ABCA13: variants seen among roughly 807,000 people sequenced by gnomAD.
ABCA13 encodes ATP binding cassette subfamily A member 13, also known as ATP-binding cassette sub-family A member 13.
In ABCA13, 476 loss-of-function variants were observed where a neutral mutation model predicts 478.7. The observed-to-expected ratio is 0.99, with a 90% CI of 0.92 to 1.07. The LOEUF (loss-of-function observed/expected upper bound fraction) is 1.07. Ranked by LOEUF, ABCA13 falls within the 50% of genes least tolerant of loss-of-function variation. ABCA13 has a pLI of 0.00. For missense variants in ABCA13, 6,060 were observed against 5,910.6 expected (o/e 1.03, Z -0.83); for synonymous variants, 2,252 against 2,158.9 (o/e 1.04, Z -1.20).
intron 59 of ABCA13, 137 bp downstream of exon 59, chr7:48,615,514 G>A: frequency 1.5e-6 from 1 of 686,026 alleles, no homozygotes; most frequent in Non-Finnish European, 2.4e-6. Context: ...AAGGCTCTGA[G>A]GGGATAAAAT....
At position 48,271,772 on chromosome 7, in the gene ABCA13, C is replaced by T; in HGVS notation, c.2121-15C>T. 2 of 1,308,246 alleles carry T rather than the reference C, an allele frequency of 1.5e-6. No homozygotes were observed. 81.0% of individuals were successfully genotyped at this position (1,308,246 alleles called of 1,614,324 possible). ...TTTTTTATTTTATACTAAAATAATTCTATTAATATTACAGGGCTTTAAATT... is the reference window on the plus strand; with the variant it reads ...TTTTTTATTTTATACTAAAATAATTTTATTAATATTACAGGGCTTTAAATT... On this transcript the variant is annotated splice_polypyrimidine_tract_variant and intron_variant, in intron 16 of 61. Coordinates refer to ENST00000435803, the MANE Select transcript of ABCA13 (RefSeq NM_152701.5).
intron 55 of ABCA13, among the ~76,000 whole-genome samples, chr7:48,555,435 C>G (rs1488964756): frequency 6.6e-6 from 1 of 151,790 alleles, no homozygotes; most frequent in Non-Finnish European, 1.5e-5. Flanking sequence ...TGGTAGAATT[C>G]AGCAGTGAAA....
intron 49 of ABCA13, 119 bp downstream of exon 49, chr7:48,506,509 T>C: frequency 9.1e-7 from 1 of 1,100,240 alleles, no homozygotes; most frequent in South Asian, 1.4e-5. Context: ...CTTATAGAGT[T>C]AGCAGGAAAT....
chr7:48,248,346 C>A lies in ABCA13; in HGVS notation c.1767C>A (p.Ser589Arg). 1 of 1,613,840 alleles carries A rather than the reference C, an allele frequency of 6.2e-7. No individual in the cohort carries two copies. The highest frequency in any genetic ancestry group is 1.3e-5 in the African/African-American group (1 of 75,032). The change falls in exon 14 of 62, where the codon AGC becomes AGA. Residue 589 changes from serine (S) to arginine (R), a missense_variant. Coordinates refer to ENST00000435803, the MANE Select transcript of ABCA13 (RefSeq NM_152701.5). ...TTGAGATGCAGCTGTCAGAAGCAAG[C>A]CTTTCCTGTACTCGGCTCTTCCTGC... ...QELEMQLSEA[S>R]LSCTRLFLLL...
chr7:48,198,278 C>G lies in ABCA13; in HGVS notation c.205C>G (p.Pro69Ala). Residue 69 changes from proline to alanine, a missense_variant, in exon 3 of 62, where the codon CCC becomes GCC. Physicochemically the swap from Pro to Ala is conservative, Grantham distance 27. Coordinates refer to ENST00000435803, the MANE Select transcript of ABCA13 (RefSeq NM_152701.5). ...PRDLPSCGVI[P>A]FVQSLLCNTG... ...AGATCTACCCAGCTGTGGTGTTATC[C>G]CCTTTGTTCAAAGCCTTCTTTGTAA... is the stretch of plus-strand genomic sequence containing the variant. 1 of 1,613,326 alleles carries G rather than the reference C, an allele frequency of 6.2e-7. No individual in the cohort carries two copies. The highest frequency in any genetic ancestry group is 8.5e-7 in the Non-Finnish European group (1 of 1,179,708).
chr7:48,610,876 C>A (rs1337734411), intron 58 of ABCA13, among the ~76,000 whole-genome samples: 1 of 152,166 alleles, frequency 6.6e-6, no homozygotes. Flanking sequence ...GGCAGTGGGG[C>A]CCTGGGCCTA....
At chr7:48,216,001 A>G (rs1386831926) in intron 3 of ABCA13, among the ~76,000 whole-genome samples, 1 of 152,178 alleles carries the variant, frequency 6.6e-6, no homozygotes, top group Non-Finnish European at 1.5e-5. Context: ...CAGTTTCTTT[A>G]TCTTTTCCTC....
chr7:48,189,454 T>C (rs1250955121), intron 1 of ABCA13, among the ~76,000 whole-genome samples: 1 of 152,216 alleles, frequency 6.6e-6, no homozygotes, highest in African/African-American at 2.4e-5. Context: ...CAATGAAAGA[T>C]ATTTTTTCAC....
chr7:48,467,219 T>G (rs1826980910), intron 44 of ABCA13, among the ~76,000 whole-genome samples, 174 bp downstream of exon 44: 1 of 152,220 alleles, frequency 6.6e-6, no homozygotes, highest in African/African-American at 2.4e-5. Context: ...GGTATCACCA[T>G]ATAAAATGAT....
intron 55 of ABCA13, among the ~76,000 whole-genome samples, chr7:48,531,936 A>G (rs1833266220): frequency 6.6e-6 from 1 of 151,988 alleles, no homozygotes; most frequent in Non-Finnish European, 1.5e-5. Context: ...CAATCATATC[A>G]TCAGCAAACA....
intron 46 of ABCA13, among the ~76,000 whole-genome samples, chr7:48,482,385 A>AT (rs5884048): frequency 7.6e-4 from 112 of 148,320 alleles, no homozygotes; most frequent in Middle Eastern, 3.6e-3. Context: ...CTATTAAGAA[A>AT]TTTTTTTTTT....
chr7:48,529,849 A>C (rs1456718853), intron 55 of ABCA13, among the ~76,000 whole-genome samples: 1 of 152,178 alleles, frequency 6.6e-6, no homozygotes, highest in Non-Finnish European at 1.5e-5. Flanking sequence ...TTAGAAGAGA[A>C]TGCTCTTATC....
At chr7:48,366,915 AC>A (rs1811763022) in intron 31 of ABCA13, among the ~76,000 whole-genome samples, 1 of 152,170 alleles carries the variant, frequency 6.6e-6, no homozygotes, top group Admixed American at 6.5e-5. Flanking sequence ...CCTTGCCGAC[AC>A]ACTGGAATGA....
chr7:48,607,532 C>T (rs1791596338), intron 58 of ABCA13, among the ~76,000 whole-genome samples: 1 of 152,132 alleles, frequency 6.6e-6, no homozygotes, highest in South Asian at 2.1e-4. Flanking sequence ...ACTTGGTTTT[C>T]GTTAGTTCTT....
intron 15 of ABCA13, among the ~76,000 whole-genome samples, chr7:48,259,158 T>C (rs1379138545): frequency 6.6e-6 from 1 of 152,170 alleles, no homozygotes; most frequent in Non-Finnish European, 1.5e-5. Context: ...GTCCCAAATA[T>C]TTTTGTTAGT....
chr7:48,476,937 G>C (rs983063307), intron 45 of ABCA13, among the ~76,000 whole-genome samples: 1 of 152,148 alleles, frequency 6.6e-6, no homozygotes, highest in Non-Finnish European at 1.5e-5. Context: ...AAAGGGAAAG[G>C]ATAAAACATT....
At chr7:48,307,083 C>G (rs999054336) in intron 23 of ABCA13, among the ~76,000 whole-genome samples, 1 of 152,098 alleles carries the variant, frequency 6.6e-6, no homozygotes, top group Non-Finnish European at 1.5e-5. Flanking sequence ...TGCCAGCCCC[C>G]ACATTTGCAT....
intron 5 of ABCA13, 126 bp from the exon 6 acceptor site, chr7:48,227,136 T>C: frequency 1.2e-6 from 1 of 844,118 alleles, no homozygotes; most frequent in Non-Finnish European, 1.9e-6. Flanking sequence ...TGTAGTGATA[T>C]ATTAAGTGTG....
rs983932012 is a variant in ABCA13 at position 48,614,206 on chromosome 7, G to C, written c.14745-1079G>C. Among the ~76,000 whole-genome samples the C allele has an allele frequency of 4.0e-5, 6 of 150,490 alleles. 1 individual carries two copies. The highest frequency in any genetic ancestry group is 6.8e-5 in the Admixed American group (1 of 14,814). ...TTCAATATTTCATTTGTGCCTATTA[G>C]TAAGGCTTCCTTGTTTCTTTTCATA... On this transcript the variant is annotated intron_variant, in intron 58 of 61. Transcript: ENST00000435803.
Sources: gnomAD v4.1 joint callset for allele counts (sites outside exome capture counted in the v4.1 genomes callset) on GRCh38, gnomAD v4.1.1 for gene constraint, MANE v1.5 for transcripts, NCBI Gene and HGNC (gene_info 2026-07-23, HGNC 2026-07-21) for gene names.